The following SETD7 variants were observed in gnomAD, a reference collection of about 807,000 sequenced individuals.
The protein encoded by SETD7 is histone-lysine N-methyltransferase SETD7.
Under a neutral mutation model 41.8 loss-of-function variants are expected in SETD7, and 16 were observed. That is an observed-to-expected ratio of 0.38 (90% CI 0.26 to 0.58). SETD7 has a LOEUF of 0.58. Among genes scored for constraint, SETD7 ranks in the 20% least tolerant of loss-of-function variants. The pLI is 0.64. For missense variants in SETD7, 346 were observed against 459.7 expected, an observed-to-expected ratio of 0.75 and a Z score of 2.26; for synonymous variants, 163 against 169.7, an observed-to-expected ratio of 0.96 and a Z score of 0.31.
chr4:139,521,269 T>C (rs1173652750), intron 5 of SETD7, among the ~76,000 whole-genome samples: 1 of 150,816 alleles, frequency 6.6e-6, no homozygotes, highest in Admixed American at 6.6e-5. Flanking sequence ...CTACTAAAAA[T>C]ACAAAAAATA....
intron 2 of SETD7, among the ~76,000 whole-genome samples, chr4:139,539,618 T>C (rs1727730893): frequency 6.6e-6 from 1 of 152,204 alleles, no homozygotes; most frequent in South Asian, 2.1e-4. Context: ...GAGTGAATAA[T>C]GAAATTTAGT....
intron 4 of SETD7, among the ~76,000 whole-genome samples, chr4:139,527,576 T>A (rs539704459): frequency 6.6e-6 from 1 of 151,782 alleles, no homozygotes; most frequent in Non-Finnish European, 1.5e-5. Flanking sequence ...TAAAATGAAA[T>A]AAAAACAAAA....
At position 139,508,323 on chromosome 4, in the gene SETD7, T is replaced by C. The variant is rs1726765587; in HGVS notation, c.*3340A>G. On this transcript the variant is annotated 3_prime_UTR_variant, in exon 8 of 8. Transcript: ENST00000274031. ...CTAATTTCCTTCTTAGTGTCTCAGG[T>C]AGATCAAGGATGAAGCAAGTTAAAA... 1.3e-5 allele frequency: 2 copies of C among 152,180 alleles called. No homozygotes were observed. The highest frequency in any genetic ancestry group is 2.1e-4 in the South Asian group (1 of 4,834). The allele number at this position is 152,180 out of a possible 1,614,324, so 9.4% of individuals were successfully genotyped here. A position where few individuals can be genotyped will look rare whatever the true frequency, so the allele number is the denominator to read the frequency against.
chr4:139,555,762 C>T lies in SETD7; in HGVS notation c.40+336G>A, dbSNP rs1037752591. Among the ~76,000 whole-genome samples the T allele has an allele frequency of 3.3e-5, 5 of 152,168 alleles. No individual in the cohort carries two copies. Among genetic ancestry groups the T allele is most frequent in the African/African-American group, 4.8e-5 (2 of 41,462 alleles). ...GGCTGCCCTGCGGAGTGCACCCACCCTCCGCGCCCAAAGGCGGAAAGGCCA... is the reference window on the plus strand; with the variant it reads ...GGCTGCCCTGCGGAGTGCACCCACCTTCCGCGCCCAAAGGCGGAAAGGCCA... On this transcript the variant is annotated intron_variant, in intron 1 of 7. Coordinates refer to ENST00000274031, the MANE Select transcript of SETD7 (RefSeq NM_030648.4). This position sits in a 1 kb window ranked among gnomAD's most constrained non-coding sequence, Gnocchi z 4.0.
intron 2 of SETD7, among the ~76,000 whole-genome samples, chr4:139,535,145 T>C (rs539337995): frequency 6.6e-5 from 10 of 152,204 alleles, no homozygotes; most frequent in East Asian, 3.9e-4. Context: ...AAAAAAATCA[T>C]TGGTGAAGGG....
At chr4:139,529,297 T>A in intron 3 of SETD7, 77 bp from the exon 4 acceptor site, 1 of 1,186,746 alleles carries the variant, frequency 8.4e-7, no homozygotes, top group Non-Finnish European at 1.2e-6. Flanking sequence ...ATTTCTCTTC[T>A]GCAGTCCCAT....
intron 6 of SETD7, among the ~76,000 whole-genome samples, chr4:139,518,398 G>C (rs1459192498): frequency 1.3e-5 from 2 of 152,088 alleles, no homozygotes; most frequent in Non-Finnish European, 2.9e-5. Context: ...CAAAGTGTTG[G>C]GATTACAGGT....
chr4:139,554,912 C>T (rs540003345), intron 1 of SETD7, among the ~76,000 whole-genome samples: 5 of 152,062 alleles, frequency 3.3e-5, no homozygotes, highest in African/African-American at 1.2e-4. Flanking sequence ...CACTTTTTTT[C>T]TTTATCCTTC....
At chr4:139,520,231 G>A in intron 6 of SETD7, 46 bp downstream of exon 6, 1 of 1,005,570 alleles carries the variant, frequency 9.9e-7, no homozygotes, top group Non-Finnish European at 1.5e-6. Flanking sequence ...TTGAAGCAAA[G>A]CCCTTTAACC....
rs10581648 is a variant in SETD7 at position 139,544,797 on chromosome 4, A to AGTGTGTGTGTGTGTGT, written c.170+2107_170+2122dup. 4.9e-3 allele frequency among the ~76,000 whole-genome samples: 710 copies of AGTGTGTGTGTGTGTGT among 144,918 alleles called. 8 individuals are homozygous for AGTGTGTGTGTGTGTGT. Among genetic ancestry groups the AGTGTGTGTGTGTGTGT allele is most frequent in the African/African-American group, 0.014 (541 of 39,084 alleles). On this transcript the variant is annotated intron_variant, in intron 2 of 7. Coordinates refer to ENST00000274031, the MANE Select transcript of SETD7 (RefSeq NM_030648.4). ...ATCATCATCAAACTACCAGATTTAA[A>AGTGTGTGTGTGTGTGT]GTGTGTGTGTGTGTGTGTGTGTGTG... is the stretch of plus-strand genomic sequence containing the variant.
rs752958658 is a variant in SETD7, at chr4:139,523,404, T to C, written c.594A>G (p.Ser198=). The part of the protein sequence containing the change: ...NSVYHFDKST[S]SCISTNALLP... Reference sequence around the variant, plus strand: ...GAAGAGCATTGGTAGAAATGCAAGATGAAGTCGACTTATCAAAGTGGTACA... The same window carrying C: ...GAAGAGCATTGGTAGAAATGCAAGACGAAGTCGACTTATCAAAGTGGTACA... Residue 198 remains serine (S), a synonymous_variant, in exon 5 of 8, where the codon TCA becomes TCG. Transcript: ENST00000274031. The C allele has an allele frequency of 6.2e-7, 1 of 1,613,670 alleles. No homozygotes were observed.
chr4:139,512,924 A>AT (rs775404136), intron 7 of SETD7, among the ~76,000 whole-genome samples: 1 of 151,254 alleles, frequency 6.6e-6, no homozygotes, highest in East Asian at 2.0e-4. Context: ...TGGCCAGAAG[A>AT]TTTTTTGTAT....
chr4:139,501,121 C>A (rs1195207860), downstream of SETD7, among the ~76,000 whole-genome samples: 1 of 152,196 alleles, frequency 6.6e-6, no homozygotes, highest in Non-Finnish European at 1.5e-5. Context: ...TTGTCCCATA[C>A]CACTTACCCA....
intron 7 of SETD7, among the ~76,000 whole-genome samples, chr4:139,497,670 A>G (rs912507843): frequency 6.7e-6 from 1 of 149,638 alleles, no homozygotes; most frequent in African/African-American, 2.5e-5. Flanking sequence ...GCTCACTGCA[A>G]CCTCCGCCTC....
intron 1 of SETD7, among the ~76,000 whole-genome samples, chr4:139,551,856 A>G (rs2111179356): frequency 6.6e-6 from 1 of 152,330 alleles, no homozygotes; most frequent in South Asian, 2.1e-4. Flanking sequence ...TTAAATAAAT[A>G]AATAAATTGA....
Position 139,506,557 on chromosome 4 carries a change from A to G in SETD7, c.*5106T>C, listed in dbSNP as rs551082102. 6.5e-6 allele frequency: 1 copy of G among 152,772 alleles called. No individual in the cohort carries two copies. The highest frequency in any genetic ancestry group is 2.4e-5 in the African/African-American group (1 of 41,590). The allele number at this position is 152,772 out of a possible 1,614,324, so 9.5% of individuals were successfully genotyped here. On this transcript the variant is annotated 3_prime_UTR_variant, in exon 8 of 8. Transcript: ENST00000274031. ...CGTAGTCCCTGTAGCTTCCCAATAC[A>G]TGAATCAAGGTTAATTATCATAAAC...
At chr4:139,540,643 G>A (rs1159903131) in intron 2 of SETD7, among the ~76,000 whole-genome samples, 1 of 152,196 alleles carries the variant, frequency 6.6e-6, no homozygotes, top group Non-Finnish European at 1.5e-5. Context: ...CACGTGTCCA[G>A]TGTTGAAGAA....
chr4:139,523,456 C>A (rs369326502), intron 4 of SETD7, 21 bp from the exon 5 acceptor site: 42 of 1,547,482 alleles, frequency 2.7e-5, no homozygotes, highest in African/African-American at 4.1e-5. Context: ...AACAAAAATA[C>A]CAGTATAGGT....
chr4:139,552,303 T>C (rs900058919), intron 1 of SETD7, among the ~76,000 whole-genome samples: 6 of 152,200 alleles, frequency 3.9e-5, no homozygotes, highest in Non-Finnish European at 8.8e-5. Flanking sequence ...AGTGGAACAC[T>C]GAGCTGCTTA....
Sources: allele counts gnomAD v4.1 joint callset (sites outside exome capture counted in the v4.1 genomes callset), GRCh38; gene constraint gnomAD v4.1.1; non-coding constraint Gnocchi (gnomAD v3.1); transcripts MANE v1.5; gene names NCBI Gene and HGNC (gene_info 2026-07-23, HGNC 2026-07-21).